PCDH15: variants seen among roughly 807,000 people sequenced by gnomAD.
The protein encoded by PCDH15 is protocadherin-15.
Under a neutral mutation model 178.5 loss-of-function variants are expected in PCDH15, and 129 were observed. The ratio of observed to expected loss-of-function variants is 0.72; its 90% CI spans 0.63 to 0.84. PCDH15 has a LOEUF of 0.84. PCDH15 is among the 40% of genes least tolerant of loss of function. The pLI is 0.00. For synonymous variants in PCDH15, 800 were observed against 732.0 expected (o/e 1.09, Z -1.50); for missense variants, 2,230 against 2,099.9 (o/e 1.06, Z -1.21).
upstream of PCDH15, among the ~76,000 whole-genome samples, chr10:55,320,069 C>T (rs1000162324): frequency 6.6e-6 from 1 of 152,124 alleles, no homozygotes; most frequent in Non-Finnish European, 1.5e-5. Context: ...CTCCTCTGTG[C>T]CCTCCTCAGA....
At chr10:54,513,484 C>T (rs1312306215) in intron 3 of PCDH15, among the ~76,000 whole-genome samples, 2 of 151,994 alleles carry the variant, frequency 1.3e-5, no homozygotes, top group Non-Finnish European at 2.9e-5. Flanking sequence ...TATTCCCTCA[C>T]ATTAGAATAT....
chr10:55,373,193 T>C (rs966600175), intron 2 of PCDH15, among the ~76,000 whole-genome samples: 4 of 152,120 alleles, frequency 2.6e-5, no homozygotes, highest in African/African-American at 9.7e-5. Flanking sequence ...GAAAGCTCCA[T>C]GACTTAGGAG....
chr10:54,053,737 T>C (rs2093826445), intron 18 of PCDH15, among the ~76,000 whole-genome samples: 2 of 152,028 alleles, frequency 1.3e-5, no homozygotes, highest in East Asian at 3.8e-4. Context: ...GGGTACTGTG[T>C]TTTGTTTGTT....
At chr10:53,814,010 T>C (rs577834453) in intron 35 of PCDH15, among the ~76,000 whole-genome samples, 1 of 152,208 alleles carries the variant, frequency 6.6e-6, no homozygotes, top group South Asian at 2.1e-4. Context: ...GGGGAAGGAA[T>C]GAGGTTAAGA....
intron 1 of PCDH15, among the ~76,000 whole-genome samples, chr10:55,261,168 T>G (rs1842138232): frequency 6.6e-6 from 1 of 152,252 alleles, no homozygotes; most frequent in African/African-American, 2.4e-5. Context: ...AAAGGCAGCC[T>G]GATTAATTCA....
intron 2 of PCDH15, among the ~76,000 whole-genome samples, chr10:55,091,900 C>G (rs146857237): frequency 9.9e-5 from 15 of 151,882 alleles, no homozygotes; most frequent in Non-Finnish European, 2.1e-4. Flanking sequence ...TACTATTTAT[C>G]TTACCACTAG....
chr10:54,060,790 GAACCA>G (rs1218058329), intron 18 of PCDH15, among the ~76,000 whole-genome samples: 1 of 152,156 alleles, frequency 6.6e-6, no homozygotes, highest in East Asian at 1.9e-4. Context: ...GTGACAGGAT[GAACCA>G]AGTGACCAGG....
intron 2 of PCDH15, among the ~76,000 whole-genome samples, chr10:54,572,735 T>A (rs1234718455): frequency 6.6e-6 from 1 of 152,180 alleles, no homozygotes; most frequent in Non-Finnish European, 1.5e-5. Flanking sequence ...GTTAATAGAT[T>A]AATAAGTTTT....
chr10:54,346,511 C>A (rs1385872141), intron 5 of PCDH15, 27 bp from the exon 6 acceptor site: 1 of 1,611,230 alleles, frequency 6.2e-7, no homozygotes, highest in South Asian at 1.1e-5. Context: ...TTTTAAATAT[C>A]AATTTTCATT....
At chr10:55,097,023 C>T (rs1016717605) in intron 2 of PCDH15, among the ~76,000 whole-genome samples, 2 of 151,978 alleles carry the variant, frequency 1.3e-5, no homozygotes, top group East Asian at 3.9e-4. Context: ...TTCCCTAATA[C>T]CTAAGCTATT....
chr10:55,409,755 A>G lies in PCDH15; in HGVS notation c.-156+217870T>C, dbSNP rs149346541. Among the ~76,000 whole-genome samples the G allele has an allele frequency of 2.4e-3, 367 of 152,302 alleles. 2 individuals carry two copies. The highest frequency in any genetic ancestry group is 8.4e-3 in the African/African-American group (350 of 41,568). On this transcript the variant is annotated intron_variant, in intron 2 of 5. Transcript: ENST00000613346. ...CTGTGTATTTAGCAAAGTTATGTAAATATGTGCACATCCAGGGACATATAT... is the reference window on the plus strand; with the variant it reads ...CTGTGTATTTAGCAAAGTTATGTAAGTATGTGCACATCCAGGGACATATAT...
At chr10:54,183,994 A>G (rs1377067418) in intron 12 of PCDH15, among the ~76,000 whole-genome samples, 1 of 152,168 alleles carries the variant, frequency 6.6e-6, no homozygotes, top group Non-Finnish European at 1.5e-5. Flanking sequence ...ATGTGTTTAT[A>G]CCATCAGGAA....
chr10:54,117,992 C>T (rs184651218), intron 15 of PCDH15, among the ~76,000 whole-genome samples: 7 of 152,252 alleles, frequency 4.6e-5, no homozygotes, highest in Admixed American at 2.0e-4. Context: ...GGCCCCCAGG[C>T]TATTACTATA....
intron 1 of PCDH15, among the ~76,000 whole-genome samples, chr10:54,704,796 C>G (rs1387997119): frequency 6.6e-6 from 1 of 152,058 alleles, no homozygotes; most frequent in Non-Finnish European, 1.5e-5. Flanking sequence ...AACAGAACTA[C>G]CATTTGGTTC....
chr10:54,624,339 T>G (rs74136228), intron 2 of PCDH15, among the ~76,000 whole-genome samples: 1,581 of 152,296 alleles, frequency 0.01, 20 homozygotes, highest in African/African-American at 0.036. Context: ...AAAGAATTAG[T>G]AGCAAAAATA....
At chr10:55,069,612 A>C (rs549214684) in intron 2 of PCDH15, among the ~76,000 whole-genome samples, 6 of 143,560 alleles carry the variant, frequency 4.2e-5, no homozygotes, top group South Asian at 2.3e-4. Flanking sequence ...TGAACTCATC[A>C]TTTTTTATGG....
chr10:54,966,293 T>G (rs1476857167), intron 2 of PCDH15, among the ~76,000 whole-genome samples: 2 of 152,110 alleles, frequency 1.3e-5, no homozygotes, highest in Non-Finnish European at 2.9e-5. Context: ...TTTATTTATT[T>G]TATTTTATTT....
chr10:54,343,311 T>TGAGATTTAATAGTGATATGA (rs1206353334), intron 6 of PCDH15, among the ~76,000 whole-genome samples: 1 of 152,102 alleles, frequency 6.6e-6, no homozygotes, highest in Non-Finnish European at 1.5e-5. Context: ...TGAGGTCTGA[T>TGAGATTTAATAGTGATATGA]GGTTTAATAG....
chr10:54,345,336 T>C (rs1482915843), intron 6 of PCDH15, among the ~76,000 whole-genome samples: 1 of 152,154 alleles, frequency 6.6e-6, no homozygotes, highest in African/African-American at 2.4e-5. Context: ...ATCTACAACA[T>C]ACAATGGTAA....
Sources: gnomAD v4.1 joint callset for allele counts (sites outside exome capture counted in the v4.1 genomes callset) on GRCh38, gnomAD v4.1.1 for gene constraint, MANE v1.5 for transcripts, NCBI Gene and HGNC (gene_info 2026-07-23, HGNC 2026-07-21) for gene names.